The following JOSD2 variants were observed in gnomAD, a reference collection of about 807,000 sequenced individuals.
JOSD2 encodes the protein Josephin domain containing 2.
A neutral mutation model predicts 19.3 loss-of-function variants in JOSD2; 20 were observed. The ratio of observed to expected loss-of-function variants is 1.04; its 90% CI spans 0.73 to 1.51. The LOEUF is 1.51. Ranked by LOEUF, JOSD2 falls within the 40% of genes most tolerant of loss-of-function variation. JOSD2 has a pLI of 0.00. For missense variants in JOSD2, 215 were observed against 250.4 expected (o/e 0.86, Z 0.95); for synonymous variants, 118 against 123.7 (o/e 0.95, Z 0.31).
At chr19:50,507,487 A>G in intron 3 of JOSD2, 87 bp downstream of exon 3, 2 of 1,486,556 alleles carry the variant, frequency 1.3e-6, no homozygotes, top group Non-Finnish European at 1.8e-6. Flanking sequence ...CCCCAGCCAC[A>G]TTCCCCTCCC....
At chr19:50,508,659 T>C (rs1267933671) in intron 2 of JOSD2, among the ~76,000 whole-genome samples, 1 of 151,730 alleles carries the variant, frequency 6.6e-6, no homozygotes, top group Non-Finnish European at 1.5e-5. Flanking sequence ...CTGTTCCCTA[T>C]CTGGACCCTG....
At chr19:50,510,105 G>A (rs1368634800) in intron 2 of JOSD2, 181 bp downstream of exon 2, 5 of 629,214 alleles carry the variant, frequency 7.9e-6, no homozygotes, top group Admixed American at 3.0e-5. Context: ...TGGGGCTGAG[G>A]CCACAGGGAC....
At chr19:50,506,669 GCCT>G (rs1418307950) in intron 3 of JOSD2, 97 bp from the exon 4 acceptor site, 1 of 1,097,504 alleles carries the variant, frequency 9.1e-7, no homozygotes, top group Non-Finnish European at 1.3e-6. Flanking sequence ...GGTGGTGAGG[GCCT>G]CCTGAGCCCA....
intron 2 of JOSD2, among the ~76,000 whole-genome samples, chr19:50,508,669 G>A (rs1261905717): frequency 6.6e-6 from 1 of 151,382 alleles, no homozygotes; most frequent in Non-Finnish European, 1.5e-5. Flanking sequence ...TCTGGACCCT[G>A]GGCAGGCAGG....
At chr19:50,508,635 G>A (rs1979531756) in intron 2 of JOSD2, among the ~76,000 whole-genome samples, 1 of 148,754 alleles carries the variant, frequency 6.7e-6, no homozygotes, top group African/African-American at 2.5e-5. Context: ...CCCTGCCTCT[G>A]AACAGCTGCA....
chr19:50,508,110 C>T, intron 2 of JOSD2: 1 of 286,326 alleles, frequency 3.5e-6, no homozygotes, highest in Non-Finnish European at 6.8e-6. Context: ...AGCCTCCCTC[C>T]AGTCCATTCC....
intron 2 of JOSD2, 80 bp downstream of exon 2, chr19:50,510,206 C>T: frequency 1.3e-6 from 2 of 1,570,798 alleles, no homozygotes; most frequent in Non-Finnish European, 8.7e-7. Context: ...CAAGGCTCAG[C>T]GCCTGCCTGG....
intron 3 of JOSD2, among the ~76,000 whole-genome samples, chr19:50,506,942 T>A (rs1327895797): frequency 6.7e-6 from 1 of 149,994 alleles, no homozygotes; most frequent in Non-Finnish European, 1.5e-5. Context: ...CCCACCCCAC[T>A]GAGCCTCCCA....
Position 50,509,362 on chromosome 19 carries a change from G to A in JOSD2, c.146+924C>T, listed in dbSNP as rs148540845. On this transcript the variant is annotated intron_variant, in intron 2 of 4. Transcript: ENST00000598418. ...CCCGCCTCAGCCTCCCAAAGTGTTG[G>A]GATTACAGGTGTGAGCCACTGCGCC... Among the ~76,000 whole-genome samples the A allele has an allele frequency of 6.0e-3, 915 of 152,232 alleles. 10 individuals carry two copies. The highest frequency in any genetic ancestry group is 0.01 in the Non-Finnish European group (684 of 68,024).
chr19:50,510,302 C>G lies in JOSD2; in HGVS notation c.130G>C (p.Asp44His). Residue 44 changes from aspartate (D) to histidine (H), a missense_variant, in exon 2 of 5, where the codon GAT (aspartate) becomes CAT (histidine). By Grantham distance (81) the Asp-to-His change is moderately conservative. Coordinates refer to ENST00000598418, the MANE Select transcript of JOSD2 (RefSeq NM_001270639.2). ...QQQLFSQEAA[D>H]EICKRLAPDS... ...GACGGTCACCTCTTGCAGATCTCAT[C>G]GGCAGCCTCCTGGCTAAAGAGCTGC... 1.9e-6 allele frequency: 3 copies of G among 1,613,410 alleles called. No individual in the cohort carries two copies. Among genetic ancestry groups the G allele is most frequent in the Non-Finnish European group, 2.5e-6 (3 of 1,180,012 alleles).
At position 50,506,114 on chromosome 19, in the gene JOSD2, T is replaced by C. The variant is rs1162084500; in HGVS notation, c.*59A>G. On this transcript the variant is annotated 3_prime_UTR_variant, in exon 5 of 5. Coordinates refer to ENST00000598418, the MANE Select transcript of JOSD2 (RefSeq NM_001270639.2). ...GCTGGCCTTTCCCAGGCATGCAGTG[T>C]GCGCAGCCGGAGGGGGATGCGCAGG... is the stretch of plus-strand genomic sequence containing the variant. 2 of 1,528,362 alleles carry C rather than the reference T, an allele frequency of 1.3e-6. No homozygotes were observed. The highest frequency in any genetic ancestry group is 1.4e-5 in the African/African-American group (1 of 73,284). The allele number at this position is 1,528,362 out of a possible 1,614,324, so 94.7% of individuals were successfully genotyped here. A position where few individuals can be genotyped will look rare whatever the true frequency, so the allele number is the denominator to read the frequency against.
In JOSD2 at chr19:50,510,468, G is replaced by A; in HGVS notation, c.-17-20C>T. 1 of 1,580,742 alleles carries A rather than the reference G, an allele frequency of 6.3e-7. No individual in the cohort carries two copies. The highest frequency in any genetic ancestry group is 8.6e-7 in the Non-Finnish European group (1 of 1,165,762). On this transcript the variant is annotated intron_variant, in intron 1 of 4. Coordinates refer to ENST00000598418, the MANE Select transcript of JOSD2 (RefSeq NM_001270639.2). ...CTCCTGCTGGGGGTTGGGAGGGGGA[G>A]AAGGTCCTCAGGGGCCCGGGATCTA...
chr19:50,510,957 C>T (rs923521396), intron 1 of JOSD2, 160 bp downstream of exon 1: 2 of 388,890 alleles, frequency 5.1e-6, no homozygotes, highest in African/African-American at 2.1e-5. Flanking sequence ...CTGCTCTTGT[C>T]ACCTGGCAAC....
chr19:50,506,244 C>G lies in JOSD2; in HGVS notation c.496G>C (p.Gly166Arg). Reference sequence around the variant, plus strand: ...ACTACCAGCAGCACCTCGCACAGGCCCTGGGCCAGCGCAGCCGCCAGGAAG... The same window carrying G: ...ACTACCAGCAGCACCTCGCACAGGCGCTGGGCCAGCGCAGCCGCCAGGAAG... The part of the protein sequence containing the change: ...RAFLAAALAQ[G>R]LCEVLLVVTK... Residue 166 changes from glycine (G) to arginine (R), a missense_variant, in exon 5 of 5, where the codon GGC becomes CGC. Gly to Arg is a moderately radical substitution (Grantham distance 125). Transcript: ENST00000598418. The G allele has an allele frequency of 6.2e-7, 1 of 1,612,712 alleles. No individual in the cohort carries two copies. The highest frequency in any genetic ancestry group is 8.5e-7 in the Non-Finnish European group (1 of 1,179,832).
At chr19:50,509,449 A>G (rs1979595065) in intron 2 of JOSD2, among the ~76,000 whole-genome samples, 1 of 152,012 alleles carries the variant, frequency 6.6e-6, no homozygotes, top group Non-Finnish European at 1.5e-5. Context: ...GCTGGCAGAG[A>G]AGGAAGCCAT....
chr19:50,509,160 C>G (rs58741412), intron 2 of JOSD2, among the ~76,000 whole-genome samples: 19,585 of 147,248 alleles, frequency 0.13, 1,906 homozygotes, highest in African/African-American at 0.28. Flanking sequence ...TCACTGAAAC[C>G]TCTGTCTCCC....
chr19:50,507,815 C>G, intron 2 of JOSD2, 116 bp from the exon 3 acceptor site: 14 of 1,300,754 alleles, frequency 1.1e-5, no homozygotes, highest in Non-Finnish European at 1.4e-5. Flanking sequence ...GCTTCAGACC[C>G]CACAACTCAT....
rs953498573 is a variant in JOSD2 at position 50,509,782 on chromosome 19, A to G, written c.146+504T>C. Among the ~76,000 whole-genome samples the G allele has an allele frequency of 5.3e-5, 8 of 151,852 alleles. No individual in the cohort carries two copies. In the East Asian group the frequency reaches 9.8e-4, roughly 19 times the overall value. ...AAGAAAGAACCACTGGGCCGGGTGC[A>G]GTGGCTCACGCCTGTAATCCTAGCA... On this transcript the variant is annotated intron_variant, in intron 2 of 4. Coordinates refer to ENST00000598418, the MANE Select transcript of JOSD2 (RefSeq NM_001270639.2).
chr19:50,510,940 A>T (rs1979795690), intron 1 of JOSD2, 177 bp downstream of exon 1: 1 of 358,928 alleles, frequency 2.8e-6, no homozygotes, highest in African/African-American at 2.2e-5. Context: ...TGTAGCAGCG[A>T]GGCTCTCTGC....
Sources: gnomAD v4.1 joint callset for allele counts (sites outside exome capture counted in the v4.1 genomes callset) on GRCh38, gnomAD v4.1.1 for gene constraint, MANE v1.5 for transcripts, NCBI Gene and HGNC (gene_info 2026-07-23, HGNC 2026-07-21) for gene names.